Variants in TAF6 observed in about 807,000 individuals in gnomAD.
TAF6 encodes the protein TATA-box binding protein associated factor 6.
A neutral mutation model predicts 73.5 loss-of-function variants in TAF6; 50 were observed. That is an observed-to-expected ratio of 0.68 (90% CI 0.54 to 0.86). TAF6 has a LOEUF of 0.86. TAF6 is among the 40% of genes least tolerant of loss of function. The pLI, the probability that TAF6 is intolerant of heterozygous loss-of-function variation, is 0.00. For missense variants in TAF6, 768 were observed against 899.5 expected (o/e 0.85, Z 1.87); for synonymous variants, 424 against 376.7 (o/e 1.13, Z -1.45).
At chr7:100,122,321 G>A (rs750265469), upstream of TAF6, 2 of 1,614,062 alleles carry the variant, frequency 1.2e-6, no homozygotes, top group Admixed American at 1.7e-5. Flanking sequence ...ATCTCGAGAG[G>A]TGCTGGAGCT....
upstream of TAF6, chr7:100,122,301 G>A (rs774672735): frequency 8.7e-6 from 14 of 1,613,970 alleles, no homozygotes; most frequent in Admixed American, 5.0e-5. Flanking sequence ...GAACTGAGTC[G>A]CACCGGTCGA....
At chr7:100,126,669 C>T in the TAF6 span, 1 of 152,262 alleles carries the variant, frequency 6.6e-6, no homozygotes, top group African/African-American at 2.4e-5. Flanking sequence ...CTTAGCTGGG[C>T]TTGGTGGTGC....
Position 100,107,346 on chromosome 7 carries a change from C to G in TAF6, c.1934G>C (p.Gly645Ala), listed in dbSNP as rs1467623795. 6.4e-7 allele frequency: 1 copy of G among 1,552,346 alleles called. No individual in the cohort carries two copies. The highest frequency in any genetic ancestry group is 8.7e-7 in the Non-Finnish European group (1 of 1,148,060). Residue 645 changes from glycine (G) to alanine (A), a missense_variant, in exon 15 of 15, where the codon GGG (glycine) becomes GCG (alanine). Coordinates refer to ENST00000453269, the MANE Select transcript of TAF6 (RefSeq NM_139315.3). The stretch of plus-strand genomic sequence containing the variant: ...ACTGTCCCCAGCCTCCTGCTTCCCC[C>G]CACAAAGGGCACTGCCGCTGAGTGG... ...PSPLSGSALC[G>A]GKQEAGDSPP...
intron 4 of TAF6, 49 bp downstream of exon 4, chr7:100,113,567 C>G (rs1455585095): frequency 1.9e-6 from 3 of 1,603,768 alleles, no homozygotes; most frequent in Middle Eastern, 1.7e-4. Context: ...CTACACACAT[C>G]TGTCCTCCTT....
intron 9 of TAF6, 38 bp downstream of exon 9, chr7:100,111,690 C>G (rs573365108): frequency 1.2e-6 from 2 of 1,600,742 alleles, no homozygotes; most frequent in Admixed American, 3.3e-5. Flanking sequence ...CAGCAGGGTC[C>G]CTAGTCCCTG....
intron 1 of TAF6, chr7:100,114,480 G>A (rs2053934155): frequency 1.6e-6 from 1 of 617,292 alleles, no homozygotes; most frequent in Non-Finnish European, 2.9e-6. Flanking sequence ...AGCACTTTGG[G>A]AGGACGAGGC....
upstream of TAF6, chr7:100,121,102 A>ATT (rs1798030527): frequency 7.7e-5 from 1 of 12,992 alleles, no homozygotes; most frequent in Non-Finnish European, 1.9e-4. Flanking sequence ...ATATATATAT[A>ATT]TATATATATA....
upstream of TAF6, chr7:100,119,766 A>C: frequency 6.2e-7 from 1 of 1,614,130 alleles, no homozygotes; most frequent in Non-Finnish European, 8.5e-7. Context: ...GCGGTTGGGA[A>C]TATTGCTTTT....
chr7:100,113,575 C>T, intron 4 of TAF6, 41 bp downstream of exon 4: 1 of 1,607,706 alleles, frequency 6.2e-7, no homozygotes, highest in Non-Finnish European at 8.5e-7. Flanking sequence ...ATCTGTCCTC[C>T]TTTCCCTCCT....
At chr7:100,112,052 A>G in intron 7 of TAF6, 53 bp from the exon 8 acceptor site, 6 of 1,613,848 alleles carry the variant, frequency 3.7e-6, no homozygotes, top group Non-Finnish European at 5.1e-6. Flanking sequence ...GGAGCAATTC[A>G]TAGGGCCCCC....
At chr7:100,121,378 C>G (rs1798065042), upstream of TAF6, 1 of 151,430 alleles carries the variant, frequency 6.6e-6, no homozygotes, top group Non-Finnish European at 1.5e-5. Flanking sequence ...ACCTCGTGAT[C>G]CACCCACCTC....
At chr7:100,118,069 A>G (rs1797826692) in intron 1 of TAF6, among the ~76,000 whole-genome samples, 1 of 150,330 alleles carries the variant, frequency 6.7e-6, no homozygotes, top group Non-Finnish European at 1.5e-5. Context: ...AAACAAAAAA[A>G]GCAAAGTGGA....
upstream of TAF6, chr7:100,119,638 C>G (rs1205102745): frequency 1.2e-6 from 2 of 1,602,544 alleles, no homozygotes; most frequent in African/African-American, 1.3e-5. Context: ...GCCGACCTTC[C>G]TCGGCTGGAT....
upstream of TAF6, chr7:100,124,565 C>T (rs374822757): frequency 1.7e-5 from 28 of 1,612,964 alleles, no homozygotes; most frequent in Non-Finnish European, 1.8e-5. Flanking sequence ...CTGGTACTTC[C>T]ACCATCAGGA....
intron 13 of TAF6, 52 bp downstream of exon 13, chr7:100,108,315 C>T: frequency 1.3e-6 from 2 of 1,549,496 alleles, no homozygotes; most frequent in Non-Finnish European, 1.7e-6. Context: ...CTGTCCCACA[C>T]AGGGGTTCTC....
rs1412191374 is a variant in TAF6 at position 100,119,287 on chromosome 7, G to C, written c.-143C>G. 1 of 1,018,568 alleles carries C rather than the reference G, an allele frequency of 9.8e-7. No individual in the cohort carries two copies. Among genetic ancestry groups the C allele is most frequent in the Non-Finnish European group, 1.2e-6 (1 of 848,354 alleles). 63.1% of individuals were successfully genotyped at this position (1,018,568 alleles called of 1,614,324 possible). A position where few individuals can be genotyped will look rare whatever the true frequency, so the allele number is the denominator to read the frequency against. Reference sequence around the variant, plus strand: ...AGACCCGCCCCCGCCACCCGAGCGCGGGGAGCAGGAAAACTCTAGCGGCAG... The same window carrying C: ...AGACCCGCCCCCGCCACCCGAGCGCCGGGAGCAGGAAAACTCTAGCGGCAG... On this transcript the variant is annotated 5_prime_UTR_variant, in exon 1 of 15. Transcript: ENST00000453269.
rs4134930 is a variant in TAF6 at position 100,107,101 on chromosome 7, G to T, written c.*145C>A. The stretch of plus-strand genomic sequence containing the variant: ...CTTACAAACCAAACTTTTATTCTGA[G>T]AAACTGGCTGTACAATATCTAAAAA... On this transcript the variant is annotated 3_prime_UTR_variant, in exon 15 of 15. Transcript: ENST00000453269. 2,050 of 1,318,978 alleles carry T rather than the reference G, an allele frequency of 1.6e-3. 33 individuals carry two copies. The African/African-American group carries it at 0.028, about 18-fold the overall frequency. 81.7% of individuals were successfully genotyped at this position (1,318,978 alleles called of 1,614,324 possible). A position where few individuals can be genotyped will look rare whatever the true frequency, so the allele number is the denominator to read the frequency against.
intron 10 of TAF6, 43 bp from the exon 11 acceptor site, chr7:100,110,317 G>A (rs758096109): frequency 1.9e-6 from 3 of 1,603,508 alleles, no homozygotes; most frequent in East Asian, 2.2e-5. Flanking sequence ...GGGTCTGAAA[G>A]GATGATTGAC....
intron 11 of TAF6, 33 bp from the exon 12 acceptor site, chr7:100,110,106 G>C (rs199570572): frequency 8.0e-5 from 129 of 1,613,896 alleles, no homozygotes; most frequent in Non-Finnish European, 1.1e-4. Flanking sequence ...GCAAAAGCCG[G>C]AGGGTCACCA....
Sources: allele counts gnomAD v4.1 joint callset (sites outside exome capture counted in the v4.1 genomes callset), GRCh38; gene constraint gnomAD v4.1.1; transcripts MANE v1.5; gene names NCBI Gene and HGNC (gene_info 2026-07-23, HGNC 2026-07-21).